The following SPATA17 variants were observed in gnomAD, a reference collection of about 807,000 sequenced individuals.
SPATA17 encodes spermatogenesis associated 17.
SPATA17 carries 53 observed loss-of-function variants against 62.2 expected under a neutral mutation model. That is an observed-to-expected ratio of 0.85 (90% confidence interval 0.68 to 1.07). SPATA17 has a LOEUF of 1.07. SPATA17 is among the 50% of genes least tolerant of loss of function. The pLI, the probability that SPATA17 is intolerant of heterozygous loss-of-function variation, is 0.00. For synonymous variants in SPATA17, 146 were observed against 146.8 expected, an observed-to-expected ratio of 0.99 and a Z score of 0.04; for missense variants, 466 against 425.5, an observed-to-expected ratio of 1.10 and a Z score of -0.84.
At position 217,719,013 on chromosome 1, in the gene SPATA17, A is replaced by G. The variant is rs1672066240; in HGVS notation, c.396-22962A>G. ...AAAGAAGCCAGAAGCCTGCAATATC[A>G]TTGAAAGTTCCTGTTACTAAAGAAA... On this transcript the variant is annotated intron_variant, in intron 5 of 10. Transcript: ENST00000366933. Among the ~76,000 whole-genome samples the G allele has an allele frequency of 2.0e-5, 3 of 152,220 alleles. No homozygotes were observed. The South Asian group carries it at 6.2e-4, about 31-fold the overall frequency.
At chr1:217,733,329 G>A (rs929342794) in intron 5 of SPATA17, among the ~76,000 whole-genome samples, 2 of 152,136 alleles carry the variant, frequency 1.3e-5, no homozygotes, top group African/African-American at 4.8e-5. Flanking sequence ...GCCTACCGAA[G>A]AGAGCAAGAG....
intron 9 of SPATA17, among the ~76,000 whole-genome samples, chr1:217,861,325 T>C (rs916993705): frequency 1.3e-5 from 2 of 151,058 alleles, no homozygotes; most frequent in African/African-American, 2.4e-5. Flanking sequence ...TGCCTCTCAC[T>C]GAAAACTTCT....
chr1:217,808,195 G>A (rs1674488604), intron 9 of SPATA17, among the ~76,000 whole-genome samples: 1 of 152,176 alleles, frequency 6.6e-6, no homozygotes, highest in Admixed American at 6.6e-5. Context: ...CTGTTTCTGA[G>A]ATAAGCAAGT....
At chr1:217,757,980 G>T (rs903262796) in intron 6 of SPATA17, among the ~76,000 whole-genome samples, 2 of 152,128 alleles carry the variant, frequency 1.3e-5, no homozygotes, top group Non-Finnish European at 2.9e-5. Flanking sequence ...ATGAGAGAGG[G>T]TGGAATGTTT....
chr1:217,714,597 G>A (rs565813035), intron 5 of SPATA17, among the ~76,000 whole-genome samples: 1 of 149,088 alleles, frequency 6.7e-6, no homozygotes, highest in African/African-American at 2.5e-5. Context: ...CCATTCTCCT[G>A]CCTCAGCCTC....
chr1:217,798,754 G>T (rs184880099), intron 8 of SPATA17, among the ~76,000 whole-genome samples: 8 of 152,266 alleles, frequency 5.3e-5, no homozygotes, highest in Non-Finnish European at 7.4e-5. Context: ...ATTCTCAGTT[G>T]CATGGAGATG....
intron 5 of SPATA17, among the ~76,000 whole-genome samples, chr1:217,703,957 A>T (rs1018018193): frequency 6.6e-5 from 10 of 151,986 alleles, no homozygotes; most frequent in Admixed American, 2.0e-4. Flanking sequence ...TATATGTTTA[A>T]AATTTTTTGG....
chr1:217,824,547 A>C (rs944281363), intron 9 of SPATA17, among the ~76,000 whole-genome samples: 3 of 151,056 alleles, frequency 2.0e-5, no homozygotes, highest in African/African-American at 7.3e-5. Context: ...TTTTTAAATG[A>C]TTTCTTTGGT....
In SPATA17 at chr1:217,683,062, TTA is replaced by T. The variant is rs200334485; in HGVS notation, c.292-194_292-193del. Among the ~76,000 whole-genome samples, 907 of 151,234 alleles carry T rather than the reference TTA, an allele frequency of 6.0e-3. 8 individuals carry two copies. The highest frequency in any genetic ancestry group is 0.02 in the African/African-American group (831 of 41,492). On this transcript the variant is annotated intron_variant, in intron 4 of 10. Transcript: ENST00000366933. ...AAATTATAATAGCCTATAATTATGT[TTA>T]TTTTTATAATATTTCATAAAAAATT...
At chr1:217,717,357 C>T (rs921112610) in intron 5 of SPATA17, among the ~76,000 whole-genome samples, 2 of 152,140 alleles carry the variant, frequency 1.3e-5, no homozygotes, top group African/African-American at 2.4e-5. Context: ...CACCTGTAAT[C>T]CTAACACTTT....
intron 9 of SPATA17, among the ~76,000 whole-genome samples, chr1:217,849,608 T>C (rs1001408626): frequency 6.6e-6 from 1 of 152,062 alleles, no homozygotes; most frequent in Admixed American, 6.6e-5. Context: ...AGGTGGTGAG[T>C]AGGATGCTGT....
intron 3 of SPATA17, among the ~76,000 whole-genome samples, chr1:217,666,241 T>A (rs927942542): frequency 5.3e-5 from 8 of 152,190 alleles, no homozygotes; most frequent in African/African-American, 1.7e-4. Context: ...CATTCTTGGA[T>A]ATGTTATTAA....
intron 5 of SPATA17, among the ~76,000 whole-genome samples, chr1:217,727,485 G>T (rs1007411635): frequency 6.6e-6 from 1 of 151,862 alleles, no homozygotes; most frequent in Non-Finnish European, 1.5e-5. Flanking sequence ...AAATAAGATT[G>T]TATGTTGTAA....
chr1:217,748,482 G>A (rs1040245931), intron 6 of SPATA17, among the ~76,000 whole-genome samples: 1 of 151,686 alleles, frequency 6.6e-6, no homozygotes, highest in African/African-American at 2.4e-5. Context: ...AGTGGCTCAC[G>A]CCTGTAACCC....
chr1:217,651,387 A>G (rs112720557), intron 3 of SPATA17, among the ~76,000 whole-genome samples: 14 of 152,276 alleles, frequency 9.2e-5, no homozygotes, highest in Admixed American at 4.6e-4. Flanking sequence ...TTGGTACCCA[A>G]ACTACACTGA....
chr1:217,846,767 A>T (rs1282397295), intron 9 of SPATA17, among the ~76,000 whole-genome samples: 2 of 152,080 alleles, frequency 1.3e-5, no homozygotes, highest in Non-Finnish European at 2.9e-5. Context: ...GCTTTATTAA[A>T]TAAGATAATA....
chr1:217,712,100 A>C (rs1049228385), intron 5 of SPATA17, among the ~76,000 whole-genome samples: 1 of 149,836 alleles, frequency 6.7e-6, no homozygotes, highest in Non-Finnish European at 1.5e-5. Context: ...CTGAGCAGTC[A>C]GTGGACCCTT....
In SPATA17 at chr1:217,727,594, T is replaced by A. The variant is rs566785241; in HGVS notation, c.396-14381T>A. Among the ~76,000 whole-genome samples the A allele has an allele frequency of 3.9e-5, 6 of 152,288 alleles. No individual in the cohort carries two copies. In the East Asian group the frequency reaches 1.2e-3, roughly 29 times the overall value. On this transcript the variant is annotated intron_variant, in intron 5 of 10. Transcript: ENST00000366933. ...GTTATCTATTCTAAATTTGGAGGAA[T>A]ATTTGAATAGTTAAAGAGTCTGATT...
intron 5 of SPATA17, among the ~76,000 whole-genome samples, chr1:217,735,916 T>A (rs953764939): frequency 3.3e-5 from 5 of 151,690 alleles, no homozygotes; most frequent in African/African-American, 1.2e-4. Flanking sequence ...AATTGAGTCA[T>A]TTATATGTTA....
Sources: allele counts gnomAD v4.1 joint callset (sites outside exome capture counted in the v4.1 genomes callset), GRCh38; gene constraint gnomAD v4.1.1; transcripts MANE v1.5; gene names NCBI Gene and HGNC (gene_info 2026-07-23, HGNC 2026-07-21).